U2SURP: variants seen among roughly 807,000 people sequenced by gnomAD.
U2SURP encodes U2 snRNP associated SURP domain containing.
U2SURP carries 9 observed loss-of-function variants against 144.9 expected under a neutral mutation model. The observed-to-expected ratio is 0.06, with a 90% CI of 0.04 to 0.11. The LOEUF (loss-of-function observed/expected upper bound fraction) is 0.11. Ranked by LOEUF, U2SURP falls within the 10% of genes least tolerant of loss-of-function variation. The probability of loss-of-function intolerance (pLI) is 1.00; values close to 1 mark genes in which losing one functional copy is unlikely to be tolerated. For synonymous variants in U2SURP, 408 were observed against 396.8 expected, an observed-to-expected ratio of 1.03 and a Z score of -0.33; for missense variants, 724 against 1,226.7, an observed-to-expected ratio of 0.59 and a Z score of 6.12.
At chr3:143,017,903 C>T (rs1164951619) in intron 6 of U2SURP, among the ~76,000 whole-genome samples, 2 of 150,534 alleles carry the variant, frequency 1.3e-5, no homozygotes, top group South Asian at 2.2e-4. Context: ...GGATTACAGA[C>T]GCCTGGCTAA....
chr3:143,029,167 T>C (rs932759436), intron 16 of U2SURP, among the ~76,000 whole-genome samples: 2 of 152,216 alleles, frequency 1.3e-5, no homozygotes, highest in African/African-American at 4.8e-5. Flanking sequence ...AAAACATACT[T>C]ATTAAATGTT....
At chr3:143,023,890 C>A in intron 12 of U2SURP, 85 bp from the exon 13 acceptor site, 1 of 1,266,558 alleles carries the variant, frequency 7.9e-7, no homozygotes, top group Non-Finnish European at 1.1e-6. Flanking sequence ...GTAGTATTTT[C>A]AATGCATATG....
intron 23 of U2SURP, among the ~76,000 whole-genome samples, chr3:143,040,204 G>T (rs1934033174): frequency 6.6e-6 from 1 of 151,852 alleles, no homozygotes; most frequent in Admixed American, 6.6e-5. Flanking sequence ...ATTTCTAAAG[G>T]TATTAGTTTT....
At chr3:143,050,102 T>C (rs1404906088) in intron 24 of U2SURP, among the ~76,000 whole-genome samples, 2 of 152,094 alleles carry the variant, frequency 1.3e-5, no homozygotes, top group East Asian at 3.8e-4. Context: ...GACGGAGTTT[T>C]GCTGTTGTTT....
intron 3 of U2SURP, among the ~76,000 whole-genome samples, chr3:143,012,715 C>T (rs1420141274): frequency 6.6e-6 from 1 of 152,116 alleles, no homozygotes; most frequent in Non-Finnish European, 1.5e-5. Context: ...TTCGTGTTCC[C>T]ACTGAGCTTA....
chr3:143,057,453 A>C lies in U2SURP; in HGVS notation c.*1003A>C, dbSNP rs1057101594. ...TAGTTATAGCTTTAAGTAAAATTTA[A>C]AAATAAAATGTTTTTCAGGAAACTT... On this transcript the variant is annotated 3_prime_UTR_variant, in exon 28 of 28. Transcript: ENST00000473835. 14 of 151,486 alleles carry C rather than the reference A, an allele frequency of 9.2e-5. No individual in the cohort carries two copies. The highest frequency in any genetic ancestry group is 3.4e-4 in the African/African-American group (14 of 41,262). The allele number at this position is 151,486 out of a possible 1,614,324, so 9.4% of individuals were successfully genotyped here. A position where few individuals can be genotyped will look rare whatever the true frequency, so the allele number is the denominator to read the frequency against.
chr3:143,048,325 G>T (rs1934652304), intron 24 of U2SURP, among the ~76,000 whole-genome samples: 1 of 152,148 alleles, frequency 6.6e-6, no homozygotes, highest in Admixed American at 6.5e-5. Flanking sequence ...GATTATCTTA[G>T]GAATCCCTTC....
At chr3:143,052,472 T>C (rs928400194) in intron 25 of U2SURP, among the ~76,000 whole-genome samples, 1 of 152,252 alleles carries the variant, frequency 6.6e-6, no homozygotes, top group African/African-American at 2.4e-5. Flanking sequence ...GTTCTGATGG[T>C]AGCAAGCACA....
chr3:143,025,710 T>G (rs1170831496), intron 13 of U2SURP: 7 of 152,150 alleles, frequency 4.6e-5, no homozygotes, highest in Non-Finnish European at 7.4e-5. Context: ...TTTTGACAAT[T>G]TGAGGTTGAA....
At chr3:143,047,001 A>G (rs1335184453) in intron 24 of U2SURP, among the ~76,000 whole-genome samples, 1 of 103,946 alleles carries the variant, frequency 9.6e-6, no homozygotes, top group Non-Finnish European at 1.9e-5. Flanking sequence ...CGGGGGGCTG[A>G]CCCCCCCACC....
intron 2 of U2SURP, among the ~76,000 whole-genome samples, chr3:143,011,263 G>A (rs1936110911): frequency 6.6e-6 from 1 of 151,970 alleles, no homozygotes; most frequent in South Asian, 2.1e-4. Flanking sequence ...TCTGTGGTGG[G>A]GAAGTGCAGT....
rs1560213020 is a variant in U2SURP, at chr3:143,057,896, C to G, written c.*1446C>G. 2 of 152,360 alleles carry G rather than the reference C, an allele frequency of 1.3e-5. No individual in the cohort carries two copies. Among genetic ancestry groups the G allele is most frequent in the African/African-American group, 4.8e-5 (2 of 41,410 alleles). The allele number at this position is 152,360 out of a possible 1,614,324, so 9.4% of individuals were successfully genotyped here. ...TATATTAGCTGAGCAGTGAGATACA[C>G]TATTTCCAAACGGTGCACACCTACA... On this transcript the variant is annotated 3_prime_UTR_variant, in exon 28 of 28. Transcript: ENST00000473835.
At chr3:143,049,753 A>G (rs1008387327) in intron 24 of U2SURP, among the ~76,000 whole-genome samples, 1 of 152,218 alleles carries the variant, frequency 6.6e-6, no homozygotes, top group African/African-American at 2.4e-5. Context: ...AAAATAAATC[A>G]TGAATTTATT....
intron 3 of U2SURP, among the ~76,000 whole-genome samples, chr3:143,012,943 A>G (rs1429541748): frequency 1.3e-5 from 2 of 152,182 alleles, no homozygotes; most frequent in Non-Finnish European, 2.9e-5. Flanking sequence ...AACCACTGGT[A>G]ACAAAGTATT....
chr3:143,014,492 C>T (rs115620561), intron 4 of U2SURP, 83 bp downstream of exon 4: 70 of 899,454 alleles, frequency 7.8e-5, no homozygotes, highest in Middle Eastern at 4.7e-4. Context: ...GAATGTTTCC[C>T]GAAGATTCTT....
At chr3:143,026,989 C>T (rs1401714891) in intron 13 of U2SURP, 160 bp from the exon 14 acceptor site, 4 of 572,706 alleles carry the variant, frequency 7.0e-6, no homozygotes, top group Non-Finnish European at 6.2e-6. Context: ...TCTTAATGCA[C>T]AAGGCATTAA....
intron 24 of U2SURP, among the ~76,000 whole-genome samples, chr3:143,046,940 G>T (rs1934505106): frequency 1.2e-5 from 1 of 85,380 alleles, no homozygotes; most frequent in Non-Finnish European, 2.3e-5. Flanking sequence ...GGCTGGCCGG[G>T]CAGGGGGCTG....
intron 1 of U2SURP, among the ~76,000 whole-genome samples, chr3:143,009,382 G>A (rs557740998): frequency 6.6e-6 from 1 of 152,156 alleles, no homozygotes; most frequent in Admixed American, 6.5e-5. Context: ...CAGATCACCT[G>A]AGGTCAGGAG....
Position 143,016,825 on chromosome 3 carries a change from A to G in U2SURP, c.437-17A>G. The G allele has an allele frequency of 6.6e-7, 1 of 1,511,948 alleles. No individual in the cohort carries two copies. The highest frequency in any genetic ancestry group is 8.8e-7 in the Non-Finnish European group (1 of 1,136,498). The allele number at this position is 1,511,948 out of a possible 1,614,324, so 93.7% of individuals were successfully genotyped here. On this transcript the variant is annotated splice_polypyrimidine_tract_variant and intron_variant, in intron 5 of 27. Coordinates refer to ENST00000473835, the MANE Select transcript of U2SURP (RefSeq NM_001080415.2). Reference sequence around the variant, plus strand: ...TATTGCGAAATTAGTTTTGAAACTTAGTATTTTAAATTTCAGAAGAACATG... The same window carrying G: ...TATTGCGAAATTAGTTTTGAAACTTGGTATTTTAAATTTCAGAAGAACATG...
Sources: allele counts gnomAD v4.1 joint callset (sites outside exome capture counted in the v4.1 genomes callset), GRCh38; gene constraint gnomAD v4.1.1; transcripts MANE v1.5; gene names NCBI Gene and HGNC (gene_info 2026-07-23, HGNC 2026-07-21).